Variants in GLRA3 observed in about 807,000 individuals in gnomAD.
The protein encoded by GLRA3 is glycine receptor alpha 3, also known as glycine receptor subunit alpha-3.
Under a neutral mutation model 60.4 loss-of-function variants are expected in GLRA3, and 44 were observed. The ratio of observed to expected loss-of-function variants is 0.73; its 90% CI spans 0.57 to 0.94. GLRA3 has a LOEUF of 0.94. Ranked by LOEUF, GLRA3 falls within the 40% of genes least tolerant of loss-of-function variation. The probability of loss-of-function intolerance (pLI) is 0.00; values close to 1 mark genes in which losing one functional copy is unlikely to be tolerated. For synonymous variants in GLRA3, 223 were observed against 192.9 expected (o/e 1.16, Z -1.29); for missense variants, 508 against 564.6 (o/e 0.90, Z 1.02).
intron 7 of GLRA3, among the ~76,000 whole-genome samples, chr4:174,661,476 C>T (rs1275322250): frequency 6.6e-6 from 1 of 152,210 alleles, no homozygotes; most frequent in Non-Finnish European, 1.5e-5. Flanking sequence ...GAACCAGATA[C>T]TGTGATCATT....
At chr4:174,751,057 G>GTCTATCTATCTA (rs781291544) in intron 3 of GLRA3, among the ~76,000 whole-genome samples, 12 of 142,288 alleles carry the variant, frequency 8.4e-5, no homozygotes, top group African/African-American at 3.1e-4. Flanking sequence ...AAGCCTGTCT[G>GTCTATCTATCTA]TCTGTCTATC....
chr4:174,689,938 T>C (rs915400010), intron 5 of GLRA3, among the ~76,000 whole-genome samples: 14 of 151,840 alleles, frequency 9.2e-5, no homozygotes, highest in African/African-American at 3.4e-4. Context: ...AAAACAGATT[T>C]CAAACCATTG....
chr4:174,715,977 G>A (rs1398112996), intron 4 of GLRA3, among the ~76,000 whole-genome samples: 3 of 152,138 alleles, frequency 2.0e-5, no homozygotes, highest in Non-Finnish European at 4.4e-5. Flanking sequence ...AAATTCAAGA[G>A]TGGATCCTAT....
At chr4:174,793,790 A>T (rs137860045) in intron 1 of GLRA3, among the ~76,000 whole-genome samples, 1 of 152,294 alleles carries the variant, frequency 6.6e-6, no homozygotes, top group East Asian at 1.9e-4. Context: ...AGTGACTGTT[A>T]TTCTTGTGGC....
chr4:174,706,304 T>A (rs1327807712), intron 5 of GLRA3, among the ~76,000 whole-genome samples: 3 of 151,888 alleles, frequency 2.0e-5, no homozygotes, highest in African/African-American at 7.3e-5. Flanking sequence ...TATCGATAAA[T>A]CTTCAGGAAA....
At chr4:174,757,175 A>G (rs1737751482) in intron 3 of GLRA3, among the ~76,000 whole-genome samples, 1 of 152,236 alleles carries the variant, frequency 6.6e-6, no homozygotes, top group Non-Finnish European at 1.5e-5. Context: ...TATTGAATTA[A>G]GTTATCAAGT....
chr4:174,674,986 TC>T (rs1192540351), intron 7 of GLRA3, among the ~76,000 whole-genome samples: 1 of 152,194 alleles, frequency 6.6e-6, no homozygotes, highest in Non-Finnish European at 1.5e-5. Flanking sequence ...CTTTTGTTTA[TC>T]CTGGGTCCTT....
intron 3 of GLRA3, among the ~76,000 whole-genome samples, chr4:174,754,233 A>T (rs553287363): frequency 2.2e-4 from 33 of 152,244 alleles, no homozygotes; most frequent in African/African-American, 7.7e-4. Context: ...AAAGTGTATA[A>T]CATTCATGCA....
intron 2 of GLRA3, among the ~76,000 whole-genome samples, chr4:174,776,008 G>A (rs902378962): frequency 6.6e-6 from 1 of 152,072 alleles, no homozygotes; most frequent in Admixed American, 6.6e-5. Flanking sequence ...AGAGGGGAAG[G>A]AGGTGGAGAG....
chr4:174,812,360 TA>T (rs2111372793), intron 1 of GLRA3, among the ~76,000 whole-genome samples: 1 of 152,100 alleles, frequency 6.6e-6, no homozygotes, highest in African/African-American at 2.4e-5. Context: ...ACCAGCAGAG[TA>T]GGGACTCATT....
intron 9 of GLRA3, among the ~76,000 whole-genome samples, chr4:174,649,615 T>A (rs1419408253): frequency 6.6e-6 from 1 of 152,180 alleles, no homozygotes; most frequent in Non-Finnish European, 1.5e-5. Context: ...CTCTCTAGAA[T>A]AGCCTGTCTG....
At chr4:174,754,227 T>G (rs1203205737) in intron 3 of GLRA3, among the ~76,000 whole-genome samples, 1 of 152,130 alleles carries the variant, frequency 6.6e-6, no homozygotes, top group African/African-American at 2.4e-5. Context: ...GTCACCAAAG[T>G]GTATAACATT....
rs1156711878 is a variant in GLRA3 at position 174,828,978 on chromosome 4, T to A, written c.-167A>T. 3 of 610,142 alleles carry A rather than the reference T, an allele frequency of 4.9e-6. No individual in the cohort carries two copies. Among genetic ancestry groups the A allele is most frequent in the African/African-American group, 3.7e-5 (2 of 54,612 alleles). 37.8% of individuals were successfully genotyped at this position (610,142 alleles called of 1,614,324 possible). On this transcript the variant is annotated 5_prime_UTR_variant, in exon 1 of 10. An upstream open reading frame in the 5' UTR gains an earlier in-frame stop. Transcript: ENST00000274093. ...CTCCCCGCAGTATGCGGACCCCTTC[T>A]CAGCATTGAGCAGAAGTGGAGAGTC...
chr4:174,771,991 T>C (rs1738408501), intron 2 of GLRA3, among the ~76,000 whole-genome samples: 1 of 152,148 alleles, frequency 6.6e-6, no homozygotes, highest in Admixed American at 6.6e-5. Context: ...ATGTGGCACA[T>C]CCTAATGAGT....
intron 3 of GLRA3, among the ~76,000 whole-genome samples, chr4:174,766,216 T>C (rs1347208874): frequency 6.6e-6 from 1 of 152,004 alleles, no homozygotes; most frequent in Non-Finnish European, 1.5e-5. Flanking sequence ...AAACCATACT[T>C]ACTAAATTTA....
At chr4:174,730,852 C>G (rs943370904) in intron 3 of GLRA3, among the ~76,000 whole-genome samples, 7 of 152,112 alleles carry the variant, frequency 4.6e-5, no homozygotes, top group African/African-American at 1.7e-4. Flanking sequence ...GAAGTAAGAA[C>G]CACATGAGGC....
chr4:174,825,568 T>A (rs1282372574), intron 1 of GLRA3, among the ~76,000 whole-genome samples: 1 of 152,072 alleles, frequency 6.6e-6, no homozygotes, highest in Admixed American at 6.5e-5. Context: ...CTTCCCTGCT[T>A]TTGGAAGTTG....
chr4:174,702,412 T>A (rs915114857), intron 5 of GLRA3, among the ~76,000 whole-genome samples: 7 of 152,182 alleles, frequency 4.6e-5, no homozygotes, highest in South Asian at 2.1e-4. Context: ...AACCAAAAAA[T>A]TAATGTAACT....
intron 5 of GLRA3, among the ~76,000 whole-genome samples, chr4:174,700,039 C>G (rs1429402184): frequency 2.0e-5 from 3 of 152,048 alleles, no homozygotes; most frequent in Non-Finnish European, 4.4e-5. Flanking sequence ...GAAAAACTAA[C>G]TCAAGGTACA....
Sources: gnomAD v4.1 joint callset for allele counts (sites outside exome capture counted in the v4.1 genomes callset) on GRCh38, gnomAD v4.1.1 for gene constraint, MANE v1.5 for transcripts, NCBI Gene and HGNC (gene_info 2026-07-23, HGNC 2026-07-21) for gene names.